The following NVL variants were observed in gnomAD, a reference collection of about 807,000 sequenced individuals.
The protein encoded by NVL is nuclear valosin-containing protein-like.
Under a neutral mutation model 110.2 loss-of-function variants are expected in NVL, and 84 were observed. The ratio of observed to expected loss-of-function variants is 0.76; its 90% CI spans 0.64 to 0.91. The LOEUF is 0.91. Ranked by LOEUF, NVL falls within the 40% of genes least tolerant of loss-of-function variation. The pLI, the probability that NVL is intolerant of heterozygous loss-of-function variation, is 0.00. For missense variants in NVL, 882 were observed against 1,035.9 expected (o/e 0.85, Z 2.04); for synonymous variants, 354 against 361.1 (o/e 0.98, Z 0.22).
intron 19 of NVL, among the ~76,000 whole-genome samples, chr1:224,244,632 C>T (rs148441515): frequency 0.011 from 1,615 of 149,914 alleles, 21 homozygotes; most frequent in African/African-American, 0.036. Flanking sequence ...CCACCACGCC[C>T]GGCTAATTTT....
chr1:224,292,655 T>G (rs1348867899), intron 12 of NVL, among the ~76,000 whole-genome samples: 2 of 152,170 alleles, frequency 1.3e-5, no homozygotes, highest in African/African-American at 2.4e-5. Context: ...TGCGGCACTC[T>G]GCCCAGTCTC....
chr1:224,255,854 T>G (rs1018311310), intron 18 of NVL, among the ~76,000 whole-genome samples: 5 of 152,236 alleles, frequency 3.3e-5, no homozygotes, highest in Admixed American at 3.3e-4. Flanking sequence ...ATAATGTTGT[T>G]TTCAATGGTC....
At position 224,294,275 on chromosome 1, in the gene NVL, G is replaced by A. The variant is rs970580325; in HGVS notation, c.1317C>T (p.Ser439=). The change falls in exon 12 of 23, where the codon TCC becomes TCT. Residue 439 remains serine (S), a synonymous_variant. Transcript: ENST00000281701. ...ATTCTATAAGAATATACCTTTCCCT[G>A]GATGCTTCATCTGGGATACCTAGGC... The part of the protein sequence containing the change: ...EICLGIPDEA[S]RERILQTLCR... The A allele has an allele frequency of 2.5e-6, 4 of 1,613,890 alleles. No individual in the cohort carries two copies. The African/African-American group carries it at 5.3e-5, about 22-fold the overall frequency.
intron 17 of NVL, among the ~76,000 whole-genome samples, chr1:224,273,060 CA>C (rs1049958217): frequency 1.0e-4 from 12 of 119,392 alleles, no homozygotes; most frequent in South Asian, 2.7e-4. Context: ...AACAAACAAA[CA>C]AAAAAAAACA....
chr1:224,295,823 AGGTGT>A (rs1393926755), intron 11 of NVL, among the ~76,000 whole-genome samples: 1 of 151,820 alleles, frequency 6.6e-6, no homozygotes, highest in African/African-American at 2.4e-5. Context: ...AAAATCAGCC[AGGTGT>A]GGTGGCACGC....
intron 1 of NVL, among the ~76,000 whole-genome samples, chr1:224,329,320 G>C (rs1221558758): frequency 7.1e-6 from 1 of 141,346 alleles, no homozygotes; most frequent in African/African-American, 2.5e-5. Context: ...AGGAAGTATG[G>C]ATAGATAAGA....
Position 224,305,045 on chromosome 1 carries a change from A to C in NVL, c.737T>G (p.Leu246Arg). Reference protein sequence around the residue: ...QEVDGEIEAVLQKKAKARGLE... With the variant: ...QEVDGEIEAVRQKKAKARGLE... ...GACTCACACCTTACCTTTCTTTTGC[A>C]GGACAGCTTCAATTTCTCCATCTAC... Residue 246 changes from leucine (L) to arginine (R), a missense_variant, in exon 7 of 23, where the codon CTG becomes CGG. Physicochemically the swap from Leu to Arg is moderately radical, Grantham distance 102. Coordinates refer to ENST00000281701, the MANE Select transcript of NVL (RefSeq NM_002533.4). The C allele has an allele frequency of 6.2e-7, 1 of 1,613,254 alleles. No individual in the cohort carries two copies. Among genetic ancestry groups the C allele is most frequent in the South Asian group, 1.1e-5 (1 of 90,870 alleles).
rs896029248 is a variant in NVL, at chr1:224,326,415, G to A, written c.107C>T (p.Ala36Val). ...CGKYVDIGVLASDLQRVYSID... is the reference protein window; with the variant it reads ...CGKYVDIGVLVSDLQRVYSID... ...CCTGTACACTCTTTGTAAATCAGACGCTAAGACTCCAATGTCCACATATTT... is the reference window on the plus strand; with the variant it reads ...CCTGTACACTCTTTGTAAATCAGACACTAAGACTCCAATGTCCACATATTT... The change falls in exon 2 of 23, where the codon GCG becomes GTG. Residue 36 changes from alanine to valine, a missense_variant. Transcript: ENST00000281701. The A allele has an allele frequency of 1.9e-6, 3 of 1,611,910 alleles. No homozygotes were observed. The highest frequency in any genetic ancestry group is 2.5e-6 in the Non-Finnish European group (3 of 1,178,596).
intron 8 of NVL, 39 bp downstream of exon 8, chr1:224,304,697 A>C: frequency 6.8e-7 from 1 of 1,479,924 alleles, no homozygotes. Flanking sequence ...CTGATTAGTA[A>C]TATATCCATT....
In NVL at chr1:224,250,255, G is replaced by A. The variant is rs746674528; in HGVS notation, c.2246C>T (p.Pro749Leu). 1.9e-5 allele frequency: 30 copies of A among 1,608,872 alleles called. No homozygotes were observed. Among genetic ancestry groups the A allele is most frequent in the Non-Finnish European group, 2.4e-5 (28 of 1,177,992 alleles). Residue 749 changes from proline (P) to leucine (L), a missense_variant, in exon 19 of 23, where the codon CCG (proline) becomes CTG (leucine). By Grantham distance (98) the Pro-to-Leu change is moderately conservative (BLOSUM62 -3). Transcript: ENST00000281701. ...RLDKTLFVGL[P>L]PPADRLAILK... ...GATGGCAAGGCGATCTGCAGGGGGC[G>A]GTAAACCCACAAACAGTGTTTTGTC...
chr1:224,238,776 G>A (rs1660821959), intron 19 of NVL, among the ~76,000 whole-genome samples: 1 of 152,088 alleles, frequency 6.6e-6, no homozygotes, highest in Admixed American at 6.6e-5. Context: ...GGTAGTGGCT[G>A]GAAGTAGAAG....
intron 19 of NVL, 29 bp downstream of exon 19, chr1:224,250,183 T>C (rs751959614): frequency 9.4e-6 from 15 of 1,599,600 alleles, no homozygotes; most frequent in Admixed American, 5.3e-5. Flanking sequence ...GAGAAACATA[T>C]ACAAAAATAT....
rs530746363 is a variant in NVL, at chr1:224,296,383, CTTTT to C, written c.1180+114_1180+117del. Reference sequence around the variant, plus strand: ...GCATGAGCCACTGTGCCCAGTATGACTTTTTTTTTACACTATTTGATATTTACTA... The same window carrying C: ...GCATGAGCCACTGTGCCCAGTATGACTTTTTACACTATTTGATATTTACTA... On this transcript the variant is annotated intron_variant, in intron 11 of 22. Transcript: ENST00000281701. The C allele has an allele frequency of 1.6e-5, 9 of 564,864 alleles. No individual in the cohort carries two copies. The East Asian group carries it at 2.6e-4, about 16-fold the overall frequency. The allele number at this position is 564,864 out of a possible 1,614,324, so 35.0% of individuals were successfully genotyped here.
At chr1:224,309,830 A>C (rs1669329685) in intron 5 of NVL, among the ~76,000 whole-genome samples, 1 of 152,176 alleles carries the variant, frequency 6.6e-6, no homozygotes, top group African/African-American at 2.4e-5. Context: ...GGAGTTCAAG[A>C]CCAGCCTGGC....
chr1:224,232,692 A>G (rs990858709), intron 21 of NVL, among the ~76,000 whole-genome samples: 7 of 152,188 alleles, frequency 4.6e-5, no homozygotes, highest in Admixed American at 2.0e-4. Context: ...CACTCAAATA[A>G]TAACATTAAA....
intron 12 of NVL, among the ~76,000 whole-genome samples, chr1:224,290,358 A>G (rs1667249164): frequency 6.6e-6 from 1 of 152,234 alleles, no homozygotes; most frequent in Admixed American, 6.5e-5. Context: ...TAAAAGCAGT[A>G]AAGATATTCA....
rs575378393 is a variant in NVL, at chr1:224,274,407, C to T, written c.2082+932G>A. On this transcript the variant is annotated intron_variant, in intron 17 of 22. Coordinates refer to ENST00000281701, the MANE Select transcript of NVL (RefSeq NM_002533.4). Reference sequence around the variant, plus strand: ...CCCAGCACTTTTTGGGAGGCTGAGGCGGATACATCACCTGAGGTCAGGAGT... The same window carrying T: ...CCCAGCACTTTTTGGGAGGCTGAGGTGGATACATCACCTGAGGTCAGGAGT... 1.6e-4 allele frequency among the ~76,000 whole-genome samples: 24 copies of T among 151,854 alleles called. No individual in the cohort carries two copies. The South Asian group carries it at 4.4e-3, about 28-fold the overall frequency.
intron 5 of NVL, among the ~76,000 whole-genome samples, chr1:224,308,655 C>T (rs938968226): frequency 2.1e-5 from 3 of 145,740 alleles, no homozygotes; most frequent in African/African-American, 7.8e-5. Flanking sequence ...CACACCACTG[C>T]ACTCCAGCCT....
chr1:224,238,349 T>C (rs541599505), intron 19 of NVL, among the ~76,000 whole-genome samples: 1 of 152,112 alleles, frequency 6.6e-6, no homozygotes, highest in Non-Finnish European at 1.5e-5. Flanking sequence ...CTTTTCTTAG[T>C]GTAAAACGTC....
Sources: allele counts gnomAD v4.1 joint callset (sites outside exome capture counted in the v4.1 genomes callset), GRCh38; gene constraint gnomAD v4.1.1; transcripts MANE v1.5; gene names NCBI Gene and HGNC (gene_info 2026-07-23, HGNC 2026-07-21).